Variants in TENM2 observed in about 807,000 individuals in gnomAD.
The protein encoded by TENM2 is teneurin-2.
In TENM2, 52 loss-of-function variants were observed where a neutral mutation model predicts 245.2. The observed-to-expected ratio is 0.21, with a 90% CI of 0.17 to 0.27. TENM2 has a LOEUF of 0.27. Among genes scored for constraint, TENM2 ranks in the 10% least tolerant of loss-of-function variants. TENM2 has a pLI of 1.00. For missense variants in TENM2, 3,046 were observed against 3,666.8 expected (o/e 0.83, Z 4.37); for synonymous variants, 1,363 against 1,438.9 (o/e 0.95, Z 1.19).
At chr5:167,289,452 G>A (rs976098552) in intron 1 of TENM2, among the ~76,000 whole-genome samples, 5 of 152,148 alleles carry the variant, frequency 3.3e-5, no homozygotes, top group African/African-American at 1.2e-4. Context: ...CTAGGTCAAG[G>A]TCGAAGAAAA....
At chr5:167,387,344 C>T (rs1188510868) in intron 2 of TENM2, among the ~76,000 whole-genome samples, 1 of 152,008 alleles carries the variant, frequency 6.6e-6, no homozygotes, top group Non-Finnish European at 1.5e-5. Context: ...TATAGAAGAG[C>T]TACTGATTTG....
chr5:167,742,672 C>T (rs917732208), intron 2 of TENM2, among the ~76,000 whole-genome samples: 16 of 152,008 alleles, frequency 1.1e-4, no homozygotes, highest in African/African-American at 3.9e-4. Flanking sequence ...TTCAAATTTG[C>T]CATCTGGATC....
rs202208213 is a variant in TENM2 at position 167,763,103 on chromosome 5, C to G, written c.503-112883C>G. Among the ~76,000 whole-genome samples, 14 of 152,316 alleles carry G rather than the reference C, an allele frequency of 9.2e-5. No homozygotes were observed. In the East Asian group the frequency reaches 2.3e-3, roughly 25 times the overall value. ...ATGCACACACTATTAAATATTGGCACTCAAAGTCACAAGAGTGTATTCCAG... is the reference window on the plus strand; with the variant it reads ...ATGCACACACTATTAAATATTGGCAGTCAAAGTCACAAGAGTGTATTCCAG... On this transcript the variant is annotated intron_variant, in intron 2 of 28. Coordinates refer to ENST00000518659, the Ensembl canonical transcript of TENM2.
At chr5:167,944,244 C>T (rs1779419144) in intron 3 of TENM2, among the ~76,000 whole-genome samples, 1 of 152,156 alleles carries the variant, frequency 6.6e-6, no homozygotes, top group Non-Finnish European at 1.5e-5. Flanking sequence ...CAGTTCGAGT[C>T]CCCTTATCCT....
chr5:168,096,018 G>A (rs1317577700), intron 8 of TENM2, among the ~76,000 whole-genome samples: 1 of 152,170 alleles, frequency 6.6e-6, no homozygotes, highest in Non-Finnish European at 1.5e-5. Context: ...TACTGAACCC[G>A]AGCCTCTTAG....
exon 27 of TENM2, chr5:168,246,799 G>C: frequency 6.2e-7 from 1 of 1,613,914 alleles, no homozygotes; most frequent in South Asian, 1.1e-5. Context: ...GTATATATTT[G>C]AGTATGACTC....
intron 2 of TENM2, among the ~76,000 whole-genome samples, chr5:167,547,243 G>A (rs985983441): frequency 1.3e-5 from 2 of 152,064 alleles, no homozygotes; most frequent in Admixed American, 6.6e-5. Flanking sequence ...GTGCCACCAC[G>A]CCTGGCTAAT....
intron 2 of TENM2, among the ~76,000 whole-genome samples, chr5:167,766,073 A>G (rs1231648534): frequency 3.3e-5 from 5 of 152,172 alleles, no homozygotes. Context: ...AAATATTATA[A>G]CTGAATATTT....
chr5:168,136,580 C>T (rs1432821), intron 12 of TENM2, among the ~76,000 whole-genome samples: 25,548 of 152,180 alleles, frequency 0.17, 2,331 homozygotes, highest in Admixed American at 0.22. Flanking sequence ...GCTTTATCAA[C>T]GGGTCCAAAG....
intron 3 of TENM2, among the ~76,000 whole-genome samples, chr5:167,929,061 GAAAGAAAGAA>G: frequency 1.6e-4 from 1 of 6,270 alleles, no homozygotes; most frequent in South Asian, 0.012. Context: ...AAGAAAGAGA[GAAAGAAAGAA>G]AGAAAGAAAG....
chr5:167,218,199 A>G, the TENM2 span, among the ~76,000 whole-genome samples: 2 of 151,810 alleles, frequency 1.3e-5, no homozygotes, highest in African/African-American at 4.8e-5. Flanking sequence ...TTTTTATCCT[A>G]ATTAGGAGGT....
chr5:168,127,410 T>A (rs1004880621), intron 12 of TENM2, among the ~76,000 whole-genome samples: 1 of 152,146 alleles, frequency 6.6e-6, no homozygotes, highest in Admixed American at 6.5e-5. Context: ...TCAGGTTCCC[T>A]CCGTAGCAGG....
In TENM2 at chr5:168,244,911, A is replaced by G. The variant is rs1238552413; in HGVS notation, c.5817+195A>G. Among the ~76,000 whole-genome samples the G allele has an allele frequency of 2.6e-5, 4 of 151,958 alleles. No homozygotes were observed. The highest frequency in any genetic ancestry group is 9.7e-5 in the African/African-American group (4 of 41,354). ...GTGCCTCCTGGGTAGCTGTGACTAC[A>G]GGCACATGTCACCACGCCCGGCTAA... is the stretch of plus-strand genomic sequence containing the variant. On this transcript the variant is annotated intron_variant, in intron 26 of 28. Transcript: ENST00000518659. This position sits in a 1 kb window ranked among gnomAD's most constrained non-coding sequence, Gnocchi z 4.9.
chr5:168,009,086 G>C (rs993781886), intron 5 of TENM2, among the ~76,000 whole-genome samples: 3 of 152,018 alleles, frequency 2.0e-5, no homozygotes, highest in African/African-American at 7.3e-5. Flanking sequence ...TACATGTAGT[G>C]CAAATTCTGC....
At chr5:168,249,756 G>A (rs751061049) in intron 27 of TENM2, among the ~76,000 whole-genome samples, 6 of 152,106 alleles carry the variant, frequency 3.9e-5, no homozygotes, top group Non-Finnish European at 5.9e-5. Flanking sequence ...CTACCCAGGG[G>A]CCTAAGTAGG....
At chr5:167,332,171 C>T (rs763935656) in intron 1 of TENM2, among the ~76,000 whole-genome samples, 1 of 152,220 alleles carries the variant, frequency 6.6e-6, no homozygotes, top group Admixed American at 6.5e-5. Flanking sequence ...AAAATTTGGG[C>T]GTTACGATTC....
intron 2 of TENM2, among the ~76,000 whole-genome samples, chr5:167,518,021 T>TACTAAAA (rs1770503877): frequency 6.6e-6 from 1 of 152,046 alleles, no homozygotes; most frequent in African/African-American, 2.4e-5. Flanking sequence ...ACCCCGTCTC[T>TACTAAAA]ACTAAAAATA....
chr5:167,225,669 G>A, the TENM2 span, among the ~76,000 whole-genome samples: 2 of 151,946 alleles, frequency 1.3e-5, no homozygotes, highest in Non-Finnish European at 2.9e-5. Flanking sequence ...TCAGGGTAAT[G>A]CTGGCCTCAT....
At chr5:168,088,998 G>A (rs544380925) in intron 7 of TENM2, among the ~76,000 whole-genome samples, 6 of 152,236 alleles carry the variant, frequency 3.9e-5, no homozygotes, top group South Asian at 2.1e-4. Context: ...GGTTTTCATC[G>A]GCTAAAACCT....
Sources: gnomAD v4.1 joint callset for allele counts (sites outside exome capture counted in the v4.1 genomes callset) on GRCh38, gnomAD v4.1.1 for gene constraint, Gnocchi (gnomAD v3.1) non-coding constraint, MANE v1.5 for transcripts, NCBI Gene and HGNC (gene_info 2026-07-23, HGNC 2026-07-21) for gene names.